The following PAK3 variants were observed in gnomAD, a reference collection of about 807,000 sequenced individuals.
PAK3 encodes the protein p21 (RAC1) activated kinase 3.
In PAK3, 4 loss-of-function variants were observed where a neutral mutation model predicts 41.0. That is an observed-to-expected ratio of 0.10 (90% CI 0.05 to 0.22). The LOEUF (loss-of-function observed/expected upper bound fraction) is 0.22. Among genes scored for constraint, PAK3 ranks in the 10% least tolerant of loss-of-function variants. The probability of loss-of-function intolerance (pLI) is 1.00; values close to 1 mark genes in which losing one functional copy is unlikely to be tolerated. For missense variants in PAK3, 205 were observed against 409.9 expected, an observed-to-expected ratio of 0.50 and a Z score of 4.32; for synonymous variants, 146 against 139.6, an observed-to-expected ratio of 1.05 and a Z score of -0.32.
intron 5 of PAK3, among the ~76,000 whole-genome samples, chrX:111,138,232 C>T (rs1276500754): frequency 9.0e-6 from 1 of 110,712 alleles, no homozygotes; most frequent in Non-Finnish European, 1.9e-5. Flanking sequence ...AGACCTGCCT[C>T]ATATGACTGT....
At chrX:111,028,258 G>A (rs1162999825) in intron 1 of PAK3, among the ~76,000 whole-genome samples, 2 of 108,377 alleles carry the variant, frequency 1.8e-5, no homozygotes, top group South Asian at 8.0e-4. Flanking sequence ...AAGGGTGGGA[G>A]GGGGTGAGGG....
At chrX:111,160,643 T>A (rs369950756) in intron 8 of PAK3, among the ~76,000 whole-genome samples, 2,334 of 102,409 alleles carry the variant, frequency 0.023, 25 homozygotes, top group Middle Eastern at 0.04. Context: ...CAGTCCCCGG[T>A]GTGTGATGTT....
Position 111,107,885 on chromosome X carries a change from C to T in PAK3, c.-28+4579C>T, listed in dbSNP as rs189103899. Among the ~76,000 whole-genome samples, 5 of 112,010 alleles carry T rather than the reference C, an allele frequency of 4.5e-5. No homozygotes were observed. The East Asian group carries it at 1.4e-3, about 31-fold the overall frequency. Reference sequence around the variant, plus strand: ...GCAGGAACATCTTATCAATACAGACCCAGTGTCTCTCTTCTTCTCTTCCTC... The same window carrying T: ...GCAGGAACATCTTATCAATACAGACTCAGTGTCTCTCTTCTTCTCTTCCTC... On this transcript the variant is annotated intron_variant, in intron 4 of 17. Coordinates refer to ENST00000372007, the MANE Select transcript of PAK3 (RefSeq NM_002578.5).
At chrX:110,951,093 G>C (rs1256088297) in intron 1 of PAK3, among the ~76,000 whole-genome samples, 1 of 111,814 alleles carries the variant, frequency 8.9e-6, no homozygotes, top group Non-Finnish European at 1.9e-5. Flanking sequence ...TATTTCTTCT[G>C]TGTTGCCATT....
intron 1 of PAK3, among the ~76,000 whole-genome samples, chrX:110,977,096 T>G (rs1382786718): frequency 9.0e-6 from 1 of 110,773 alleles, no homozygotes; most frequent in East Asian, 2.8e-4. Context: ...ACCCTAGAAC[T>G]TAGAGTATAA....
chrX:110,970,680 G>A (rs768746998), intron 1 of PAK3, among the ~76,000 whole-genome samples: 1 of 111,387 alleles, frequency 9.0e-6, no homozygotes, highest in Admixed American at 9.5e-5. Flanking sequence ...AGTTTGAAAG[G>A]TGCAGCAAAC....
chrX:111,212,936 C>T lies in PAK3; in HGVS notation c.1408-3485C>T, dbSNP rs746472386. On this transcript the variant is annotated intron_variant, in intron 16 of 17. Transcript: ENST00000372007. ...TGGTGTGTTTCAGCCTTTTTCTTAC[C>T]GCATGCATTTTTTAATCAGTTCACC... Among the ~76,000 whole-genome samples the T allele has an allele frequency of 4.5e-5, 5 of 112,070 alleles. No individual in the cohort carries two copies. In the East Asian group the frequency reaches 8.4e-4, roughly 19 times the overall value.
chrX:110,987,840 C>T (rs1399285871), intron 1 of PAK3, among the ~76,000 whole-genome samples: 1 of 111,152 alleles, frequency 9.0e-6, no homozygotes, highest in Admixed American at 9.5e-5. Flanking sequence ...AGAGTCAATG[C>T]AGGTTGAACA....
At chrX:111,140,932 G>T (rs1053307373) in intron 5 of PAK3, among the ~76,000 whole-genome samples, 1 of 111,721 alleles carries the variant, frequency 9.0e-6, no homozygotes, top group Non-Finnish European at 1.9e-5. Flanking sequence ...ATCCATATAC[G>T]GTTGAATGTT....
At chrX:111,170,705 G>GTCT (rs1396946626) in intron 10 of PAK3, among the ~76,000 whole-genome samples, 1 of 111,294 alleles carries the variant, frequency 9.0e-6, no homozygotes, top group Non-Finnish European at 1.9e-5. Flanking sequence ...CATAAAGGTG[G>GTCT]ATAATTTGAG....
chrX:110,951,650 G>A (rs1394640646), intron 1 of PAK3, among the ~76,000 whole-genome samples: 2 of 112,283 alleles, frequency 1.8e-5, no homozygotes, highest in African/African-American at 3.2e-5. Flanking sequence ...GACTGAGAAA[G>A]GCTGGGAGCA....
At chrX:110,953,036 A>G (rs1427195082) in intron 1 of PAK3, among the ~76,000 whole-genome samples, 1 of 112,282 alleles carries the variant, frequency 8.9e-6, no homozygotes, top group Non-Finnish European at 1.9e-5. Flanking sequence ...TTACAAGTGG[A>G]AAGGTCATCT....
chrX:110,967,906 C>T (rs1340674345), intron 1 of PAK3, among the ~76,000 whole-genome samples: 2 of 111,570 alleles, frequency 1.8e-5, no homozygotes, highest in African/African-American at 6.5e-5. Flanking sequence ...TTTGTGTGTC[C>T]AACAACACAG....
At chrX:111,006,849 C>CTTTCTTTCTTTCTTTCTTT (rs1556434441) in intron 1 of PAK3, among the ~76,000 whole-genome samples, 11 of 42,681 alleles carry the variant, frequency 2.6e-4, no homozygotes, top group Non-Finnish European at 2.6e-4. Flanking sequence ...TTCTTTCTTT[C>CTTTCTTTCTTTCTTTCTTT]TTTTTTTTTT....
chrX:111,209,412 C>G (rs2094794369), intron 16 of PAK3, among the ~76,000 whole-genome samples: 1 of 112,176 alleles, frequency 8.9e-6, no homozygotes, highest in African/African-American at 3.2e-5. Flanking sequence ...TAGTATCATT[C>G]AGTAAAAGTT....
chrX:110,987,555 T>C (rs1356865880), intron 1 of PAK3, among the ~76,000 whole-genome samples: 1 of 112,092 alleles, frequency 8.9e-6, no homozygotes, highest in Non-Finnish European at 1.9e-5. Context: ...AGTAAGTTGC[T>C]TCCCCTCTTT....
intron 1 of PAK3, among the ~76,000 whole-genome samples, chrX:110,968,539 A>T (rs893015479): frequency 2.7e-5 from 3 of 112,106 alleles, no homozygotes; most frequent in African/African-American, 9.7e-5. Context: ...AGTGTTAGTG[A>T]TATCTTGTGG....
chrX:110,989,302 G>C (rs1208659904), intron 1 of PAK3, among the ~76,000 whole-genome samples: 2 of 111,675 alleles, frequency 1.8e-5, no homozygotes, highest in African/African-American at 6.5e-5. Context: ...TTTCCTGATG[G>C]TACTTATCAT....
At chrX:111,140,929 T>G (rs935840122) in intron 5 of PAK3, among the ~76,000 whole-genome samples, 8 of 112,001 alleles carry the variant, frequency 7.1e-5, no homozygotes, top group Non-Finnish European at 1.1e-4. Context: ...ATAATCCATA[T>G]ACGGTTGAAT....
Sources: gnomAD v4.1 joint callset for allele counts (sites outside exome capture counted in the v4.1 genomes callset) on GRCh38, gnomAD v4.1.1 for gene constraint, MANE v1.5 for transcripts, NCBI Gene and HGNC (gene_info 2026-07-23, HGNC 2026-07-21) for gene names.